The following SUCLG2 variants were observed in gnomAD, a reference collection of about 807,000 sequenced individuals.
SUCLG2 encodes succinate--CoA ligase [GDP-forming] subunit beta, mitochondrial.
SUCLG2 carries 42 observed loss-of-function variants against 47.9 expected under a neutral mutation model. The ratio of observed to expected loss-of-function variants is 0.88; its 90% CI spans 0.69 to 1.14. SUCLG2 has a LOEUF of 1.14. Among genes scored for constraint, SUCLG2 ranks in the 50% most tolerant of loss-of-function variants. The pLI is 0.00. For missense variants in SUCLG2, 571 were observed against 525.9 expected, an observed-to-expected ratio of 1.09 and a Z score of -0.84; for synonymous variants, 195 against 197.3, an observed-to-expected ratio of 0.99 and a Z score of 0.10.
intron 9 of SUCLG2, among the ~76,000 whole-genome samples, chr3:67,468,055 C>T (rs1371662276): frequency 6.6e-6 from 1 of 152,058 alleles, no homozygotes; most frequent in African/African-American, 2.4e-5. Context: ...TAAAAGCAGG[C>T]CGGGTGGTGT....
Position 67,375,851 on chromosome 3 carries a change from C to G in SUCLG2, c.1192G>C (p.Val398Leu), listed in dbSNP as rs755049338. The change falls in exon 11 of 11, where the codon GTC becomes CTC. Residue 398 changes from valine to leucine, a missense_variant. Val to Leu is a conservative substitution (Grantham distance 32). Coordinates refer to ENST00000307227, the MANE Select transcript of SUCLG2 (RefSeq NM_003848.4). ...TTGAGTATCTTCTGGGCCTCTTGGA[C>G]GTTGGTTCCTAGAAGGGGGACAGGG... ...PLVVRLEGTN[V>L]QEAQKILNNS... 2.0e-5 allele frequency: 33 copies of G among 1,613,286 alleles called. No individual in the cohort carries two copies. Among genetic ancestry groups the G allele is most frequent in the Non-Finnish European group, 2.5e-5 (29 of 1,179,734 alleles).
intron 7 of SUCLG2, among the ~76,000 whole-genome samples, chr3:67,503,500 A>G (rs942328232): frequency 1.3e-5 from 2 of 152,212 alleles, no homozygotes; most frequent in Admixed American, 6.5e-5. Context: ...CAGCAGGGCG[A>G]TAAAATAAAC....
intron 8 of SUCLG2, among the ~76,000 whole-genome samples, chr3:67,497,275 G>A (rs1023394247): frequency 2.0e-5 from 3 of 152,130 alleles, no homozygotes; most frequent in African/African-American, 7.2e-5. Flanking sequence ...CTGGTTTAAT[G>A]AGCTACAAAT....
At chr3:67,414,790 T>C (rs1451658301) in intron 9 of SUCLG2, among the ~76,000 whole-genome samples, 1 of 152,216 alleles carries the variant, frequency 6.6e-6, no homozygotes, top group East Asian at 1.9e-4. Context: ...GCATCTTTCC[T>C]GATACTATCA....
At chr3:67,360,992 T>C (rs752200916) in intron 10 of SUCLG2, among the ~76,000 whole-genome samples, 3 of 152,198 alleles carry the variant, frequency 2.0e-5, no homozygotes, top group Admixed American at 6.5e-5. Flanking sequence ...CTTGGATTGC[T>C]GACATTTGGA....
chr3:67,387,800 T>C (rs902359292), intron 10 of SUCLG2, among the ~76,000 whole-genome samples: 1 of 152,180 alleles, frequency 6.6e-6, no homozygotes, highest in Admixed American at 6.5e-5. Context: ...ATGATCAGAT[T>C]TGAATCTTTT....
rs192077676 is a variant in SUCLG2 at position 67,638,607 on chromosome 3, T to C, written c.84+15896A>G. ...ACAATCGAACATAATTTGGAATTAC[T>C]GGTCATCAAAGTCTAATTCCAGAAA... On this transcript the variant is annotated intron_variant, in intron 1 of 10. Transcript: ENST00000307227. 2.0e-5 allele frequency among the ~76,000 whole-genome samples: 3 copies of C among 152,354 alleles called. No individual in the cohort carries two copies. In the East Asian group the frequency reaches 5.8e-4, roughly 29 times the overall value.
At chr3:67,388,858 C>G (rs1479774760) in intron 10 of SUCLG2, among the ~76,000 whole-genome samples, 1 of 152,010 alleles carries the variant, frequency 6.6e-6, no homozygotes, top group African/African-American at 2.4e-5. Context: ...CAAGTTGAGT[C>G]TGGAGGATAG....
At chr3:67,590,956 A>C (rs539764100) in intron 2 of SUCLG2, among the ~76,000 whole-genome samples, 4 of 152,318 alleles carry the variant, frequency 2.6e-5, no homozygotes, top group Admixed American at 1.3e-4. Flanking sequence ...ATTAAAAAAA[A>C]ACCTTTTCTA....
chr3:67,370,869 T>C (rs1054625436), downstream of SUCLG2, among the ~76,000 whole-genome samples: 2 of 152,222 alleles, frequency 1.3e-5, no homozygotes, highest in Admixed American at 6.5e-5. Flanking sequence ...TGATTCCTAA[T>C]ACAAGGCTAT....
intron 2 of SUCLG2, among the ~76,000 whole-genome samples, chr3:67,563,687 C>T (rs968015340): frequency 3.9e-5 from 6 of 152,188 alleles, no homozygotes; most frequent in African/African-American, 7.2e-5. Flanking sequence ...TGGCCGGGCG[C>T]GGTGGCTCAT....
intron 4 of SUCLG2, among the ~76,000 whole-genome samples, chr3:67,522,772 T>C (rs1386370134): frequency 6.6e-6 from 1 of 150,572 alleles, no homozygotes; most frequent in East Asian, 2.0e-4. Context: ...TACGCCATTC[T>C]CCTGCCTCAG....
At chr3:67,370,474 T>C (rs1701937838), downstream of SUCLG2, among the ~76,000 whole-genome samples, 1 of 152,134 alleles carries the variant, frequency 6.6e-6, no homozygotes, top group South Asian at 2.1e-4. Context: ...ATCCATGAGA[T>C]CATATACATG....
At chr3:67,412,346 CT>C (rs2106839260) in intron 9 of SUCLG2, among the ~76,000 whole-genome samples, 1 of 152,302 alleles carries the variant, frequency 6.6e-6, no homozygotes, top group African/African-American at 2.4e-5. Context: ...AGCTATTAGA[CT>C]CCTTTTGCAA....
At chr3:67,600,670 A>C (rs1708400052) in intron 2 of SUCLG2, among the ~76,000 whole-genome samples, 1 of 152,202 alleles carries the variant, frequency 6.6e-6, no homozygotes, top group South Asian at 2.1e-4. Context: ...TGTATTTCCC[A>C]GCCACCCTTG....
At chr3:67,419,735 C>T (rs1307585721) in intron 9 of SUCLG2, among the ~76,000 whole-genome samples, 1 of 151,844 alleles carries the variant, frequency 6.6e-6, no homozygotes, top group Non-Finnish European at 1.5e-5. Flanking sequence ...TTATGATTTA[C>T]AATGATTTAA....
Position 67,415,052 on chromosome 3 carries a change from C to T in SUCLG2, c.1063-14201G>A, listed in dbSNP as rs541847510. Among the ~76,000 whole-genome samples the T allele has an allele frequency of 5.3e-5, 8 of 152,236 alleles. No homozygotes were observed. In the South Asian group the frequency reaches 8.3e-4, roughly 16 times the overall value. On this transcript the variant is annotated intron_variant, in intron 9 of 10. Coordinates refer to ENST00000307227, the MANE Select transcript of SUCLG2 (RefSeq NM_003848.4). ...AAAGTTTTTGGTAGAGATGGAGCCTCGCTATGTTGCCTAGGCTGGTCCCGA... is the reference window on the plus strand; with the variant it reads ...AAAGTTTTTGGTAGAGATGGAGCCTTGCTATGTTGCCTAGGCTGGTCCCGA...
At chr3:67,463,256 C>T (rs1704383282) in intron 9 of SUCLG2, among the ~76,000 whole-genome samples, 1 of 152,174 alleles carries the variant, frequency 6.6e-6, no homozygotes, top group South Asian at 2.1e-4. Context: ...AGAAAATATT[C>T]TGCACATTGC....
intron 9 of SUCLG2, among the ~76,000 whole-genome samples, chr3:67,435,465 C>T (rs1420543386): frequency 6.6e-6 from 1 of 152,012 alleles, no homozygotes. Flanking sequence ...AGTAAGATGC[C>T]ACCTTTATTT....
Sources: gnomAD v4.1 joint callset for allele counts (sites outside exome capture counted in the v4.1 genomes callset) on GRCh38, gnomAD v4.1.1 for gene constraint, MANE v1.5 for transcripts, NCBI Gene and HGNC (gene_info 2026-07-23, HGNC 2026-07-21) for gene names.